FGD2: variants seen among roughly 807,000 people sequenced by gnomAD.
FGD2 encodes FYVE, RhoGEF and PH domain containing 2.
FGD2 carries 52 observed loss-of-function variants against 75.9 expected under a neutral mutation model. That is an observed-to-expected ratio of 0.69 (90% CI 0.55 to 0.86). The LOEUF is 0.86. FGD2 is among the 40% of genes least tolerant of loss of function. The pLI is 0.00. For missense variants in FGD2, 790 were observed against 872.0 expected, an observed-to-expected ratio of 0.91 and a Z score of 1.18; for synonymous variants, 347 against 348.6, an observed-to-expected ratio of 1.00 and a Z score of 0.05.
intron 13 of FGD2, chr6:37,024,870 G>T (rs1054138800): frequency 1.3e-5 from 2 of 152,186 alleles, no homozygotes; most frequent in Non-Finnish European, 2.9e-5. Context: ...TGTGAGGGTG[G>T]GGCAGGGCCA....
intron 12 of FGD2, chr6:37,021,964 A>T (rs1765609497): frequency 2.0e-6 from 1 of 507,120 alleles, no homozygotes; most frequent in African/African-American, 1.9e-5. Flanking sequence ...CTGTGGTTTG[A>T]GTTCAGATTT....
intron 13 of FGD2, chr6:37,025,516 G>A (rs935279922): frequency 4.2e-6 from 2 of 472,548 alleles, no homozygotes; most frequent in African/African-American, 3.9e-5. Context: ...GGAACCTGGA[G>A]GGGAGAGAAG....
At chr6:37,021,244 G>A (rs766105284) in intron 11 of FGD2, among the ~76,000 whole-genome samples, 20 of 152,134 alleles carry the variant, frequency 1.3e-4, no homozygotes, top group Non-Finnish European at 2.6e-4. Context: ...TTTGGAGACC[G>A]ATCTGGGTTC....
Position 37,028,399 on chromosome 6 carries a change from G to C in FGD2, c.*236G>C. The stretch of plus-strand genomic sequence containing the variant: ...TTGCCTTGCGGGGAGGGGGCTCCTG[G>C]GCCATGGGACTTCCAGTGCTAAAAC... On this transcript the variant is annotated 3_prime_UTR_variant, in exon 16 of 16. Coordinates refer to ENST00000274963, the MANE Select transcript of FGD2 (RefSeq NM_173558.4). 2.0e-6 allele frequency: 1 copy of C among 491,316 alleles called. No homozygotes were observed. The highest frequency in any genetic ancestry group is 3.6e-6 in the Non-Finnish European group (1 of 276,736). 30.4% of individuals were successfully genotyped at this position (491,316 alleles called of 1,614,324 possible).
intron 9 of FGD2, among the ~76,000 whole-genome samples, chr6:37,019,811 A>C (rs1028998136): frequency 6.6e-6 from 1 of 151,608 alleles, no homozygotes; most frequent in African/African-American, 2.4e-5. Context: ...TCTGCTTCCC[A>C]AGATTGCTGT....
intron 11 of FGD2, 148 bp downstream of exon 11, chr6:37,020,887 C>CGTGTGTGTGTGTGT (rs1561938376): frequency 2.9e-6 from 2 of 697,180 alleles, no homozygotes; most frequent in African/African-American, 7.1e-5. Flanking sequence ...TGTATGTATG[C>CGTGTGTGTGTGTGT]ATGTGTGTGT....
chr6:37,020,442 T>G (rs1441480636), intron 9 of FGD2, 99 bp from the exon 10 acceptor site: 4 of 1,145,848 alleles, frequency 3.5e-6, no homozygotes, highest in Non-Finnish European at 5.0e-6. Flanking sequence ...GAATTTGAAT[T>G]GTCCCTTGGG....
intron 2 of FGD2, chr6:37,009,379 T>G: frequency 3.6e-6 from 1 of 275,274 alleles, no homozygotes; most frequent in Non-Finnish European, 7.0e-6. Flanking sequence ...GTGAACCTAA[T>G]ACTCTTCTCA....
chr6:37,019,841 TTTTC>T, intron 9 of FGD2, among the ~76,000 whole-genome samples: 1 of 110,826 alleles, frequency 9.0e-6, no homozygotes. Flanking sequence ...TTTCTTCTTC[TTTTC>T]TTTTCTTTTC....
chr6:37,028,075 A>T lies in FGD2; in HGVS notation c.1880A>T (p.Glu627Val). 1 of 1,613,696 alleles carries T rather than the reference A, an allele frequency of 6.2e-7. No individual in the cohort carries two copies. Among genetic ancestry groups the T allele is most frequent in the Non-Finnish European group, 8.5e-7 (1 of 1,179,996 alleles). The change falls in exon 16 of 16, where the codon GAG becomes GTG. Residue 627 changes from glutamate to valine, a missense_variant. By Grantham distance (121) the Glu-to-Val change is moderately radical. Coordinates refer to ENST00000274963, the MANE Select transcript of FGD2 (RefSeq NM_173558.4). ...TACACCTTCAAGGCCGAGACGGAGG[A>T]GCTGAAGGGCCGCTGGGTGAAGGCC... is the stretch of plus-strand genomic sequence containing the variant. ...QLYTFKAETE[E>V]LKGRWVKAME...
intron 2 of FGD2, 96 bp downstream of exon 2, chr6:37,009,161 TC>T: frequency 8.2e-7 from 1 of 1,226,934 alleles, no homozygotes; most frequent in Non-Finnish European, 1.1e-6. Flanking sequence ...AGCCAGCAGT[TC>T]CCCAGGTGGG....
In FGD2 at chr6:37,008,989, C is replaced by T. The variant is rs572645440; in HGVS notation, c.224C>T (p.Ser75Phe). 6.2e-7 allele frequency: 1 copy of T among 1,614,224 alleles called. No homozygotes were observed. Among genetic ancestry groups the T allele is most frequent in the Non-Finnish European group, 8.5e-7 (1 of 1,180,048 alleles). The change falls in exon 2 of 16, where the codon TCC becomes TTC. Residue 75 changes from serine (S) to phenylalanine (F), a missense_variant. Transcript: ENST00000274963. ...PRTVSRRYLN[S>F]LKNKLSSEAW... ...ACAGTCAGCAGGAGGTACCTGAACT[C>T]CCTGAAGAACAAGCTGTCCAGCGAA...
Position 37,013,783 on chromosome 6 carries a change from C to T in FGD2, c.684+18C>T. 1 of 1,612,840 alleles carries T rather than the reference C, an allele frequency of 6.2e-7. No individual in the cohort carries two copies. The highest frequency in any genetic ancestry group is 1.1e-5 in the South Asian group (1 of 90,986). On this transcript the variant is annotated intron_variant, in intron 5 of 15. Transcript: ENST00000274963. The stretch of plus-strand genomic sequence containing the variant: ...GCATCCAGGTGAGGCTGGGGGAGGG[C>T]TGGAGTCAGCATTGCCACTCCCAGC...
rs755217529 is a variant in FGD2, at chr6:37,021,512, G to C, written c.1234G>C (p.Ala412Pro). The C allele has an allele frequency of 6.2e-7, 1 of 1,612,956 alleles. No individual in the cohort carries two copies. Among genetic ancestry groups the C allele is most frequent in the East Asian group, 2.2e-5 (1 of 44,864 alleles). Residue 412 changes from alanine (A) to proline (P), a missense_variant and splice_region_variant, in exon 12 of 16, where the codon GCC (alanine) becomes CCC (proline). Transcript: ENST00000274963. ...SQEEMISWMQ[A>P]FQAAIDQIEK... ...GACCCTCCCCCTCCCTGCACCCCAG[G>C]CCTTCCAAGCAGCCATTGACCAAAT...
chr6:37,021,734 G>GGGAA lies in FGD2; in HGVS notation c.1326+132_1326+135dup, dbSNP rs146087504. On this transcript the variant is annotated intron_variant, in intron 12 of 15. Coordinates refer to ENST00000274963, the MANE Select transcript of FGD2 (RefSeq NM_173558.4). ...TGCCAGGAGAGACTGAAGGGACCAG[G>GGGAA]GGAAGCCTTCCCAGCGCATCCCCCG... 4.8e-4 allele frequency: 406 copies of GGGAA among 853,230 alleles called. No individual in the cohort carries two copies. In the African/African-American group the frequency reaches 6.4e-3, roughly 13 times the overall value. 52.9% of individuals were successfully genotyped at this position (853,230 alleles called of 1,614,324 possible).
chr6:37,028,139 C>A lies in FGD2; in HGVS notation c.1944C>A (p.Pro648=). The change falls in exon 16 of 16, where the codon CCC becomes CCA. Residue 648 remains proline, a synonymous_variant. Coordinates refer to ENST00000274963, the MANE Select transcript of FGD2 (RefSeq NM_173558.4). ...CCAGTGGCTGGAGCCCCAGCTGGCCCAACGATGGGGACCTGTCCGACTGAG... is the reference window on the plus strand; with the variant it reads ...CCAGTGGCTGGAGCCCCAGCTGGCCAAACGATGGGGACCTGTCCGACTGAG... ...RAASGWSPSW[P]NDGDLSD is the part of the protein sequence containing the mutation. 1 of 1,602,562 alleles carries A rather than the reference C, an allele frequency of 6.2e-7. No individual in the cohort carries two copies.
chr6:37,024,736 G>A (rs1765738402), intron 13 of FGD2: 1 of 152,220 alleles, frequency 6.6e-6, no homozygotes, highest in South Asian at 2.1e-4. Flanking sequence ...CCCGTGTGGG[G>A]CTGTGCCCTG....
chr6:37,019,794 G>T (rs1765476259), intron 9 of FGD2, among the ~76,000 whole-genome samples: 1 of 151,822 alleles, frequency 6.6e-6, no homozygotes, highest in African/African-American at 2.4e-5. Context: ...AAATGAGGAT[G>T]ATAGTATCTG....
rs754045121 is a variant in FGD2 at position 37,027,560 on chromosome 6, C to G, written c.1737C>G (p.Val579=). The G allele has an allele frequency of 1.2e-6, 2 of 1,614,132 alleles. No homozygotes were observed. The highest frequency in any genetic ancestry group is 1.7e-6 in the Non-Finnish European group (2 of 1,180,004). ...IPRDDPLVLY[V]YAAPQDMRAH... The stretch of plus-strand genomic sequence containing the variant: ...GGGATGACCCCCTCGTGCTCTATGT[C>G]TATGCTGCCCCTCAGGTAAGGCCAC... The change falls in exon 15 of 16, where the codon GTC becomes GTG. Residue 579 remains valine, a synonymous_variant. Transcript: ENST00000274963.
Sources: gnomAD v4.1 joint callset for allele counts (sites outside exome capture counted in the v4.1 genomes callset) on GRCh38, gnomAD v4.1.1 for gene constraint, MANE v1.5 for transcripts, NCBI Gene and HGNC (gene_info 2026-07-23, HGNC 2026-07-21) for gene names.